CSMD3: variants seen among roughly 807,000 people sequenced by gnomAD.
The protein encoded by CSMD3 is CUB and Sushi multiple domains 3, also known as CUB and sushi domain-containing protein 3.
CSMD3 carries 177 observed loss-of-function variants against 435.2 expected under a neutral mutation model. The observed-to-expected ratio is 0.41, with a 90% CI of 0.36 to 0.46. CSMD3 has a LOEUF of 0.46. CSMD3 is among the 20% of genes least tolerant of loss of function. The pLI is 0.34. For missense variants in CSMD3, 4,265 were observed against 4,504.6 expected (o/e 0.95, Z 1.52); for synonymous variants, 1,656 against 1,520.5 (o/e 1.09, Z -2.07).
chr8:113,415,834 T>G (rs1488977388), intron 1 of CSMD3, among the ~76,000 whole-genome samples: 1 of 152,120 alleles, frequency 6.6e-6, no homozygotes, highest in Non-Finnish European at 1.5e-5. Context: ...GAATATGTAG[T>G]GAGAATATTA....
At chr8:112,725,682 C>T (rs370036066) in intron 13 of CSMD3, among the ~76,000 whole-genome samples, 41 of 151,868 alleles carry the variant, frequency 2.7e-4, no homozygotes, top group African/African-American at 9.4e-4. Flanking sequence ...TGCACAGTAC[C>T]TCAAAACTTG....
At chr8:112,374,208 AAATTT>A (rs1828725052) in intron 38 of CSMD3, among the ~76,000 whole-genome samples, 1 of 150,796 alleles carries the variant, frequency 6.6e-6, no homozygotes, top group Non-Finnish European at 1.5e-5. Flanking sequence ...ACATATTATA[AAATTT>A]TAAAAAATGA....
At chr8:113,182,539 CAAAAACAA>C (rs1180273732) in intron 3 of CSMD3, among the ~76,000 whole-genome samples, 1 of 150,536 alleles carries the variant, frequency 6.6e-6, no homozygotes, top group Non-Finnish European at 1.5e-5. Context: ...AACAAAACAA[CAAAAACAA>C]AAAAACAACA....
rs553835099 is a variant in CSMD3 at position 112,938,060 on chromosome 8, A to T, written c.1508+9730T>A. On this transcript the variant is annotated intron_variant, in intron 9 of 70. Transcript: ENST00000297405. ...AAGCCAGGGGGGAAAAGCACTCAGAATATATAACATTGCTCTAGAAATGTA... is the reference window on the plus strand; with the variant it reads ...AAGCCAGGGGGGAAAAGCACTCAGATTATATAACATTGCTCTAGAAATGTA... Among the ~76,000 whole-genome samples the T allele has an allele frequency of 2.0e-5, 3 of 152,282 alleles. No homozygotes were observed. In the South Asian group the frequency reaches 6.2e-4, roughly 32 times the overall value.
chr8:113,218,012 A>G (rs774106433), intron 3 of CSMD3, among the ~76,000 whole-genome samples: 1 of 151,242 alleles, frequency 6.6e-6, no homozygotes, highest in African/African-American at 2.4e-5. Flanking sequence ...TAAATTTTTA[A>G]CAGAAGCACT....
chr8:112,264,321 C>G (rs749519961), intron 60 of CSMD3, among the ~76,000 whole-genome samples: 1 of 151,808 alleles, frequency 6.6e-6, no homozygotes, highest in East Asian at 1.9e-4. Context: ...TATGTTAAAC[C>G]TTATTATTAT....
intron 54 of CSMD3, among the ~76,000 whole-genome samples, chr8:112,295,609 A>G (rs1240007698): frequency 6.6e-6 from 1 of 151,734 alleles, no homozygotes; most frequent in Non-Finnish European, 1.5e-5. Context: ...AAATATGAGA[A>G]GAGCTAAATT....
rs1250343302 is a variant in CSMD3, at chr8:112,669,306, C to A, written c.2678-2891G>T. On this transcript the variant is annotated intron_variant, in intron 16 of 70. Coordinates refer to ENST00000297405, the MANE Select transcript of CSMD3 (RefSeq NM_198123.2). ...TTGGCCTCCCAGAGTGCTGGGATTACAGGCATGAGCCACTGTGCACGGCCT... is the reference window on the plus strand; with the variant it reads ...TTGGCCTCCCAGAGTGCTGGGATTAAAGGCATGAGCCACTGTGCACGGCCT... 2.0e-5 allele frequency among the ~76,000 whole-genome samples: 3 copies of A among 152,072 alleles called. No homozygotes were observed. In the South Asian group the frequency reaches 6.2e-4, roughly 31 times the overall value.
At position 112,793,760 on chromosome 8, in the gene CSMD3, T is replaced by C. The variant is rs1002621100; in HGVS notation, c.1972+6402A>G. 2.6e-5 allele frequency among the ~76,000 whole-genome samples: 4 copies of C among 152,214 alleles called. No homozygotes were observed. In the East Asian group the frequency reaches 7.7e-4, roughly 29 times the overall value. ...TTTGAACGTGGTTTGAATAGTTGGC[T>C]GCCTTTGATTGGCCAGAACTCAGTG... On this transcript the variant is annotated intron_variant, in intron 13 of 70. Transcript: ENST00000297405.
intron 1 of CSMD3, among the ~76,000 whole-genome samples, chr8:113,324,857 C>T (rs181895838): frequency 1.3e-5 from 2 of 152,190 alleles, no homozygotes; most frequent in South Asian, 4.1e-4. Flanking sequence ...GGTGGAGCTG[C>T]CCAAGACCAT....
intron 2 of CSMD3, chr8:113,311,900 C>T (rs1017449967): frequency 1.3e-5 from 2 of 151,898 alleles, no homozygotes; most frequent in African/African-American, 4.8e-5. Flanking sequence ...TGTCATTTTG[C>T]TTGTATAAAT....
At chr8:112,713,007 A>G (rs762702639) in intron 13 of CSMD3, among the ~76,000 whole-genome samples, 55 of 152,252 alleles carry the variant, frequency 3.6e-4, no homozygotes, top group Middle Eastern at 3.4e-3. Flanking sequence ...AAAAAGAACC[A>G]AAACAGTATG....
intron 3 of CSMD3, among the ~76,000 whole-genome samples, chr8:113,196,000 G>A (rs2092650993): frequency 6.7e-6 from 1 of 150,256 alleles, no homozygotes; most frequent in East Asian, 2.0e-4. Flanking sequence ...TGTCATCCTT[G>A]CCAAATGCCT....
chr8:113,217,620 T>A (rs996515248), intron 3 of CSMD3, among the ~76,000 whole-genome samples: 7 of 151,626 alleles, frequency 4.6e-5, no homozygotes, highest in African/African-American at 1.7e-4. Context: ...AGGAAAAATA[T>A]AAGTGAATCT....
At chr8:113,009,869 T>C (rs2086194373) in intron 6 of CSMD3, among the ~76,000 whole-genome samples, 1 of 151,778 alleles carries the variant, frequency 6.6e-6, no homozygotes. Flanking sequence ...GTACCTGAAC[T>C]AATAAAAGGT....
At chr8:113,029,436 TG>T (rs2086998594) in intron 5 of CSMD3, among the ~76,000 whole-genome samples, 1 of 151,498 alleles carries the variant, frequency 6.6e-6, no homozygotes, top group African/African-American at 2.4e-5. Context: ...CCTGATCAAG[TG>T]GGTTTCATAC....
At chr8:112,437,809 G>C (rs77718050) in intron 32 of CSMD3, among the ~76,000 whole-genome samples, 1 of 152,002 alleles carries the variant, frequency 6.6e-6, no homozygotes, top group South Asian at 2.1e-4. Flanking sequence ...CAAAAATAGC[G>C]AATGTTTCAA....
Position 112,311,006 on chromosome 8 carries a change from T to TGCATGATA in CSMD3, c.7849_7856dup (p.Trp2620IlefsTer28). ...GACAGGCAGGGACTGGCGCATCCCA[T>TGCATGATA]GCATGATACCCATAGGAAGACTTTC... On this transcript the variant is annotated frameshift_variant, in exon 50 of 71. Transcript: ENST00000297405. LOFTEE classifies it high-confidence loss of function. 1 of 1,614,064 alleles carries TGCATGATA rather than the reference T, an allele frequency of 6.2e-7. No individual in the cohort carries two copies. The highest frequency in any genetic ancestry group is 8.5e-7 in the Non-Finnish European group (1 of 1,179,988).
chr8:112,755,479 C>T (rs1349302252), intron 13 of CSMD3, among the ~76,000 whole-genome samples: 1 of 151,530 alleles, frequency 6.6e-6, no homozygotes, highest in African/African-American at 2.4e-5. Flanking sequence ...CTCCTTGCTG[C>T]CGCCATTTGA....
Sources: gnomAD v4.1 joint callset for allele counts (sites outside exome capture counted in the v4.1 genomes callset) on GRCh38, gnomAD v4.1.1 for gene constraint, MANE v1.5 for transcripts, NCBI Gene and HGNC (gene_info 2026-07-23, HGNC 2026-07-21) for gene names.